The following SUCLG2 variants were observed in gnomAD, a reference collection of about 807,000 sequenced individuals.
SUCLG2 encodes succinate--CoA ligase [GDP-forming] subunit beta, mitochondrial.
Under a neutral mutation model 47.9 loss-of-function variants are expected in SUCLG2, and 42 were observed. That is an observed-to-expected ratio of 0.88 (90% CI 0.69 to 1.14). The LOEUF (loss-of-function observed/expected upper bound fraction) is 1.14, where lower values mean the gene tolerates loss of function less well. SUCLG2 is among the 50% of genes most tolerant of loss of function. SUCLG2 has a pLI of 0.00. For missense variants in SUCLG2, 571 were observed against 525.9 expected (o/e 1.09, Z -0.84); for synonymous variants, 195 against 197.3 (o/e 0.99, Z 0.10).
intron 2 of SUCLG2, among the ~76,000 whole-genome samples, chr3:67,585,342 T>C (rs1707988619): frequency 6.6e-6 from 1 of 152,158 alleles, no homozygotes; most frequent in Non-Finnish European, 1.5e-5. Flanking sequence ...CTTAAATTAG[T>C]TGTGAAAACA....
At chr3:67,369,455 C>A (rs1701921393) in intron 10 of SUCLG2, among the ~76,000 whole-genome samples, 1 of 152,136 alleles carries the variant, frequency 6.6e-6, no homozygotes, top group Non-Finnish European at 1.5e-5. Context: ...TGTGCTAATT[C>A]TCTCTGATCT....
intron 9 of SUCLG2, among the ~76,000 whole-genome samples, chr3:67,458,485 TG>T (rs1704243859): frequency 6.6e-6 from 1 of 152,070 alleles, no homozygotes; most frequent in Admixed American, 6.6e-5. Flanking sequence ...CATCTGAGGG[TG>T]GGGCATTTCC....
chr3:67,437,644 AT>A (rs965431694), intron 9 of SUCLG2, among the ~76,000 whole-genome samples: 8 of 151,144 alleles, frequency 5.3e-5, no homozygotes, highest in South Asian at 2.1e-4. Context: ...AATTTCTTCT[AT>A]TTTTTTTTAA....
intron 2 of SUCLG2, among the ~76,000 whole-genome samples, chr3:67,600,450 C>G (rs1019137790): frequency 1.3e-5 from 2 of 152,134 alleles, no homozygotes; most frequent in African/African-American, 4.8e-5. Flanking sequence ...ATTATTATCC[C>G]CTATTTTATA....
chr3:67,406,841 G>C (rs1702823679), intron 9 of SUCLG2, among the ~76,000 whole-genome samples: 1 of 152,122 alleles, frequency 6.6e-6, no homozygotes. Context: ...TTTACAATAA[G>C]CTTATAAATG....
At chr3:67,404,455 C>CAG (rs5849755) in intron 9 of SUCLG2, among the ~76,000 whole-genome samples, 108,998 of 151,594 alleles carry the variant, frequency 0.72, 39,555 homozygotes, top group Admixed American at 0.81. Context: ...ATGAGGAAGA[C>CAG]AGGAACAGAA....
chr3:67,397,980 A>G (rs1702586839), intron 10 of SUCLG2, among the ~76,000 whole-genome samples: 1 of 150,456 alleles, frequency 6.6e-6, no homozygotes, highest in Non-Finnish European at 1.5e-5. Flanking sequence ...TAGAAAGCTA[A>G]AACTGGATCC....
At chr3:67,381,927 G>A (rs73098357) in intron 10 of SUCLG2, among the ~76,000 whole-genome samples, 9,632 of 152,158 alleles carry the variant, frequency 0.063, 472 homozygotes, top group East Asian at 0.13. Context: ...TTTCTTCTTC[G>A]CTTTTATTAC....
chr3:67,515,132 A>G (rs1705907454), intron 6 of SUCLG2, among the ~76,000 whole-genome samples: 1 of 152,204 alleles, frequency 6.6e-6, no homozygotes. Context: ...GTATTTTGAG[A>G]AAGAGACCAT....
At chr3:67,450,733 A>G (rs1704036961) in intron 9 of SUCLG2, among the ~76,000 whole-genome samples, 1 of 152,190 alleles carries the variant, frequency 6.6e-6, no homozygotes, top group South Asian at 2.1e-4. Flanking sequence ...CCCAATCCAC[A>G]ATTTTGGAAA....
chr3:67,378,729 G>A (rs1330493552), intron 10 of SUCLG2, among the ~76,000 whole-genome samples: 1 of 152,218 alleles, frequency 6.6e-6, no homozygotes, highest in Non-Finnish European at 1.5e-5. Flanking sequence ...GTTAAGTGCT[G>A]ATAGGTAAGT....
intron 2 of SUCLG2, among the ~76,000 whole-genome samples, chr3:67,579,659 A>G (rs1434071455): frequency 2.0e-5 from 3 of 152,214 alleles, no homozygotes; most frequent in Non-Finnish European, 2.9e-5. Context: ...CAAGCTGGGC[A>G]CTAACGTCCT....
chr3:67,630,779 G>A (rs560071943), intron 1 of SUCLG2, among the ~76,000 whole-genome samples: 85 of 152,350 alleles, frequency 5.6e-4, no homozygotes, highest in Middle Eastern at 3.4e-3. Context: ...ATCAACAGGA[G>A]TTGAAATACA....
intron 2 of SUCLG2, among the ~76,000 whole-genome samples, chr3:67,557,368 A>G (rs1433395063): frequency 6.6e-6 from 1 of 152,206 alleles, no homozygotes; most frequent in African/African-American, 2.4e-5. Context: ...ATTCAAATTT[A>G]TATTCCATAA....
intron 10 of SUCLG2, among the ~76,000 whole-genome samples, chr3:67,383,882 G>C (rs1434609620): frequency 1.3e-5 from 2 of 152,092 alleles, no homozygotes; most frequent in African/African-American, 2.4e-5. Context: ...ATCTGCTAGG[G>C]ATAAGACAAT....
At chr3:67,419,301 C>T (rs1045650267) in intron 9 of SUCLG2, among the ~76,000 whole-genome samples, 29 of 152,182 alleles carry the variant, frequency 1.9e-4, no homozygotes, top group Admixed American at 5.9e-4. Flanking sequence ...GATGTTATCT[C>T]GGTCTCTCCT....
At chr3:67,383,171 CGAGATACT>C (rs1702194492) in intron 10 of SUCLG2, among the ~76,000 whole-genome samples, 1 of 152,132 alleles carries the variant, frequency 6.6e-6, no homozygotes, top group Non-Finnish European at 1.5e-5. Flanking sequence ...TGGCCTCAGT[CGAGATACT>C]GACAAGGGTT....
At chr3:67,554,498 T>G (rs1285718523) in intron 2 of SUCLG2, among the ~76,000 whole-genome samples, 2 of 152,128 alleles carry the variant, frequency 1.3e-5, no homozygotes, top group South Asian at 2.1e-4. Context: ...CTCAATAAAT[T>G]TGGTGCTACA....
intron 2 of SUCLG2, among the ~76,000 whole-genome samples, chr3:67,535,194 CG>C (rs1559561727): frequency 2.0e-5 from 3 of 150,212 alleles, no homozygotes; most frequent in African/African-American, 4.9e-5. Context: ...GATTTTCAAA[CG>C]AAAGATGTGA....
Sources: allele counts gnomAD v4.1 joint callset (sites outside exome capture counted in the v4.1 genomes callset), GRCh38; gene constraint gnomAD v4.1.1; transcripts MANE v1.5; gene names NCBI Gene and HGNC (gene_info 2026-07-23, HGNC 2026-07-21).